Variants in DNAH11 observed in about 807,000 individuals in gnomAD.
DNAH11 encodes axonemal beta dynein heavy chain 11.
Under a neutral mutation model 526.0 loss-of-function variants are expected in DNAH11, and 442 were observed. The ratio of observed to expected loss-of-function variants is 0.84; its 90% confidence interval spans 0.78 to 0.91. The LOEUF is 0.91. Ranked by LOEUF, DNAH11 falls within the 40% of genes least tolerant of loss-of-function variation. The probability of loss-of-function intolerance (pLI) is 0.00; values close to 1 mark genes in which losing one functional copy is unlikely to be tolerated. For synonymous variants in DNAH11, 2,461 were observed against 1,935.9 expected, an observed-to-expected ratio of 1.27 and a Z score of -7.12; for missense variants, 6,989 against 5,448.7, an observed-to-expected ratio of 1.28 and a Z score of -8.90.
chr7:21,635,821 A>T, intron 25 of DNAH11, 50 bp from the exon 26 acceptor site: 1 of 1,469,050 alleles, frequency 6.8e-7, no homozygotes, highest in Non-Finnish European at 9.2e-7. Context: ...CATAGCACTC[A>T]CATTCTACTA....
chr7:21,639,115 G>A (rs756099241), intron 28 of DNAH11, 50 bp downstream of exon 28: 2 of 1,536,840 alleles, frequency 1.3e-6, no homozygotes, highest in Non-Finnish European at 1.8e-6. Context: ...GCTGAGGAAT[G>A]TCATAGCGTC....
intron 45 of DNAH11, among the ~76,000 whole-genome samples, chr7:21,726,361 A>G (rs2074765): frequency 0.61 from 91,986 of 151,824 alleles, 27,946 homozygotes; most frequent in South Asian, 0.71. Context: ...CCCCACCTGC[A>G]ACATTGTGGA....
chr7:21,585,888 A>C (rs575598038), intron 9 of DNAH11, among the ~76,000 whole-genome samples: 7 of 152,356 alleles, frequency 4.6e-5, no homozygotes, highest in Non-Finnish European at 1.0e-4. Context: ...AAAGAGAAGC[A>C]TGTGGTGGGA....
chr7:21,718,164 AG>A (rs975574150), intron 43 of DNAH11, among the ~76,000 whole-genome samples: 1 of 149,148 alleles, frequency 6.7e-6, no homozygotes, highest in African/African-American at 2.5e-5. Context: ...ATCTTGTGAA[AG>A]AAGGTTAGAA....
chr7:21,579,091 GCTTT>G (rs1386141301), intron 8 of DNAH11, among the ~76,000 whole-genome samples: 1 of 152,050 alleles, frequency 6.6e-6, no homozygotes. Flanking sequence ...CCCCATCTTG[GCTTT>G]CTTAGTTTGT....
intron 1 of DNAH11, 128 bp downstream of exon 1, chr7:21,543,724 C>T: frequency 9.8e-7 from 1 of 1,021,710 alleles, no homozygotes; most frequent in Non-Finnish European, 1.4e-6. Context: ...GCTTGAAGTC[C>T]CCATCCTGAG....
chr7:21,673,316 A>C (rs1477336994), intron 30 of DNAH11, among the ~76,000 whole-genome samples: 3 of 152,184 alleles, frequency 2.0e-5, no homozygotes, highest in Non-Finnish European at 2.9e-5. Flanking sequence ...GTAATCTTAT[A>C]TTCTCATATG....
chr7:21,639,364 A>G (rs1787017595), intron 28 of DNAH11, among the ~76,000 whole-genome samples: 1 of 152,142 alleles, frequency 6.6e-6, no homozygotes, highest in South Asian at 2.1e-4. Context: ...TGGGACAAGA[A>G]CTGGGACATC....
At position 21,735,802 on chromosome 7, in the gene DNAH11, C is replaced by A. The variant is rs374335908; in HGVS notation, c.7603C>A (p.Arg2535Ser). The change falls in exon 46 of 82, where the codon CGT becomes AGT. Residue 2535 changes from arginine to serine, a missense_variant. Transcript: ENST00000409508. ...ASLSEDYIVSRVPFNYYTTST... is the reference protein window; with the variant it reads ...ASLSEDYIVSSVPFNYYTTST... ...TCTCTCTGAGGATTACATAGTATCC[C>A]GTGTGCCTTTCAACTACTACACGAC... is the stretch of plus-strand genomic sequence containing the variant. The A allele has an allele frequency of 6.2e-7, 1 of 1,613,684 alleles. No individual in the cohort carries two copies.
chr7:21,899,505 G>T, intron 80 of DNAH11, 57 bp downstream of exon 80: 1 of 1,376,720 alleles, frequency 7.3e-7, no homozygotes, highest in Non-Finnish European at 1.0e-6. Flanking sequence ...CTAACCAGAA[G>T]CCCTGCTTTG....
chr7:21,555,244 G>A lies in DNAH11; in HGVS notation c.496-3558G>A, dbSNP rs190881499. On this transcript the variant is annotated intron_variant, in intron 2 of 81. Transcript: ENST00000409508. Reference sequence around the variant, plus strand: ...TTAGGCCACAAGACCAAAGGCTTACGAATGGGGTCTTTAGGCTAGATAAAC... The same window carrying A: ...TTAGGCCACAAGACCAAAGGCTTACAAATGGGGTCTTTAGGCTAGATAAAC... Among the ~76,000 whole-genome samples the A allele has an allele frequency of 3.2e-3, 491 of 152,298 alleles. 4 individuals are homozygous for A. Among genetic ancestry groups the A allele is most frequent in the African/African-American group, 0.011 (468 of 41,558 alleles).
intron 65 of DNAH11, among the ~76,000 whole-genome samples, chr7:21,828,888 A>C (rs1042599724): frequency 6.6e-6 from 1 of 151,846 alleles, no homozygotes; most frequent in Non-Finnish European, 1.5e-5. Flanking sequence ...GGTTATATTA[A>C]CTGTATGAAG....
At chr7:21,898,588 C>G (rs575532483) in intron 79 of DNAH11, among the ~76,000 whole-genome samples, 1 of 152,314 alleles carries the variant, frequency 6.6e-6, no homozygotes, top group African/African-American at 2.4e-5. Context: ...CCCCTTTAAG[C>G]AGCCTCTGAA....
chr7:21,601,699 T>C (rs1785099066), intron 18 of DNAH11, 81 bp downstream of exon 18: 2 of 1,085,252 alleles, frequency 1.8e-6, no homozygotes, highest in African/African-American at 3.2e-5. Context: ...TACTCTCTTA[T>C]GATGTCCTTA....
chr7:21,721,309 A>T (rs1277017198), intron 44 of DNAH11, among the ~76,000 whole-genome samples: 1 of 152,210 alleles, frequency 6.6e-6, no homozygotes, highest in Non-Finnish European at 1.5e-5. Flanking sequence ...CTGTGATCTC[A>T]GACCCTTTCA....
At chr7:21,767,947 A>G (rs934030603) in intron 55 of DNAH11, among the ~76,000 whole-genome samples, 2 of 152,012 alleles carry the variant, frequency 1.3e-5, no homozygotes, top group African/African-American at 4.8e-5. Context: ...CCACAGAGAA[A>G]GGAGTCGTTA....
chr7:21,900,053 A>G lies in DNAH11; in HGVS notation c.13236A>G (p.Lys4412=). The G allele has an allele frequency of 1.9e-6, 3 of 1,614,016 alleles. No homozygotes were observed. Among genetic ancestry groups the G allele is most frequent in the Non-Finnish European group, 1.7e-6 (2 of 1,179,890 alleles). The change falls in exon 81 of 82, where the codon AAA becomes AAG. Residue 4412 remains lysine (K), a synonymous_variant. Transcript: ENST00000409508. ...CGCGCTTGACTGCTGATGTTACCAA[A>G]AAAACAAAGGAAGATTATGGACACC... is the stretch of plus-strand genomic sequence containing the variant. ...DKTRLTADVT[K]KTKEDYGHPP...
At chr7:21,824,749 G>C (rs1240712372) in intron 65 of DNAH11, among the ~76,000 whole-genome samples, 1 of 152,124 alleles carries the variant, frequency 6.6e-6, no homozygotes, top group Non-Finnish European at 1.5e-5. Flanking sequence ...TATTCTTTTG[G>C]AGCTTTATAA....
intron 54 of DNAH11, among the ~76,000 whole-genome samples, chr7:21,764,225 A>G (rs1020149601): frequency 6.6e-6 from 1 of 152,206 alleles, no homozygotes; most frequent in African/African-American, 2.4e-5. Flanking sequence ...CTTAATATTT[A>G]TATAGCTTGA....
Sources: gnomAD v4.1 joint callset for allele counts (sites outside exome capture counted in the v4.1 genomes callset) on GRCh38, gnomAD v4.1.1 for gene constraint, MANE v1.5 for transcripts, NCBI Gene and HGNC (gene_info 2026-07-23, HGNC 2026-07-21) for gene names.